Variants in TUBB8B observed in about 807,000 individuals in gnomAD.
The protein encoded by TUBB8B is HSA18p11 beta-tubulin 4Q pseudogene.
Under a neutral mutation model 31.9 loss-of-function variants are expected in TUBB8B, and 26 were observed. The ratio of observed to expected loss-of-function variants is 0.81; its 90% CI spans 0.60 to 1.13. The LOEUF is 1.13. Ranked by LOEUF, TUBB8B falls within the 50% of genes most tolerant of loss-of-function variation. The pLI is 0.00. For missense variants in TUBB8B, 467 were observed against 586.7 expected (o/e 0.80, Z 2.11); for synonymous variants, 173 against 231.0 (o/e 0.75, Z 2.28).
the TUBB8B span, among the ~76,000 whole-genome samples, chr18:57,484 C>T: frequency 6.6e-6 from 1 of 151,846 alleles, no homozygotes; most frequent in African/African-American, 2.4e-5. Flanking sequence ...TTCCAGGGCA[C>T]ACTAATGCCT....
the TUBB8B span, among the ~76,000 whole-genome samples, chr18:72,557 G>T: frequency 6.6e-6 from 1 of 152,118 alleles, no homozygotes; most frequent in African/African-American, 2.4e-5. Context: ...TGTTTTTTGA[G>T]ACAAGGTCTC....
At chr18:55,560 T>C in the TUBB8B span, among the ~76,000 whole-genome samples, 1 of 151,616 alleles carries the variant, frequency 6.6e-6, no homozygotes, top group African/African-American at 2.4e-5. Context: ...GAAGAGCCCC[T>C]TATAAAACCA....
chr18:61,724 C>T, the TUBB8B span, among the ~76,000 whole-genome samples: 6 of 151,414 alleles, frequency 4.0e-5, no homozygotes, highest in African/African-American at 1.4e-4. Context: ...AGCAAAGCAA[C>T]TAATAAAAAC....
upstream of TUBB8B, chr18:49,631 C>T (rs1340387387): frequency 1.5e-5 from 11 of 741,024 alleles, no homozygotes; most frequent in Non-Finnish European, 2.2e-5. Flanking sequence ...AGCCCGCCCT[C>T]CGCTAACGCT....
At chr18:73,486 C>CA in the TUBB8B span, 1 of 155,638 alleles carries the variant, frequency 6.4e-6, no homozygotes, top group East Asian at 1.9e-4. Context: ...GTGGACCCCC[C>CA]AGGACGCCGC....
At chr18:50,164 C>T (rs77895628), upstream of TUBB8B, 19 of 283,412 alleles carry the variant, frequency 6.7e-5, no homozygotes, top group African/African-American at 4.7e-4. Context: ...ACTGCGGTCT[C>T]CACACAGAGT....
chr18:58,760 T>G, the TUBB8B span, among the ~76,000 whole-genome samples: 1 of 151,778 alleles, frequency 6.6e-6, no homozygotes, highest in Non-Finnish European at 1.5e-5. Flanking sequence ...TTGTGCCAAT[T>G]TTCTGTATTA....
chr18:55,631 G>T, the TUBB8B span, among the ~76,000 whole-genome samples: 1 of 151,708 alleles, frequency 6.6e-6, no homozygotes, highest in Non-Finnish European at 1.5e-5. Flanking sequence ...CCAACCCCAT[G>T]ATCCAATCAC....
chr18:67,002 T>G, the TUBB8B span, among the ~76,000 whole-genome samples: 5 of 151,316 alleles, frequency 3.3e-5, no homozygotes, highest in Non-Finnish European at 7.4e-5. Context: ...TTTTGTTTTT[T>G]TTTTTTTTCC....
At position 47,858 on chromosome 18, in the gene TUBB8B, G is replaced by A. The variant is rs55932456; in HGVS notation, c.867C>T (p.Leu289=). Residue 289 remains leucine, a synonymous_variant, in exon 4 of 4, where the codon CTC becomes CTT. Coordinates refer to ENST00000308911, the MANE Select transcript of TUBB8B (RefSeq NM_001358689.2). ...QQYRALTVAE[L]TQQMFDAKNM... is the part of the protein sequence containing the mutation. ...TCTTAGCATCAAACATCTGCTGGGT[G>A]AGCTCAGCCACAGTCAAGGCCCGGT... 236,946 of 1,521,266 alleles carry A rather than the reference G, an allele frequency of 0.16. 6,877 individuals are homozygous for A. The highest frequency in any genetic ancestry group is 0.32 in the African/African-American group (20,108 of 63,330). 94.2% of individuals were successfully genotyped at this position (1,521,266 alleles called of 1,614,324 possible).
At chr18:64,007 C>T in the TUBB8B span, among the ~76,000 whole-genome samples, 48 of 150,766 alleles carry the variant, frequency 3.2e-4, 1 homozygote, top group Non-Finnish European at 6.1e-4. Flanking sequence ...GACCCCTAAC[C>T]ACTGACCCCA....
At chr18:66,220 C>T in the TUBB8B span, among the ~76,000 whole-genome samples, 1 of 152,102 alleles carries the variant, frequency 6.6e-6, no homozygotes, top group Non-Finnish European at 1.5e-5. Context: ...CAGGGCAAAA[C>T]CATGCCTTGA....
the TUBB8B span, among the ~76,000 whole-genome samples, chr18:56,558 C>T: frequency 6.6e-6 from 1 of 151,674 alleles, no homozygotes; most frequent in African/African-American, 2.4e-5. Context: ...AATTCCCACA[C>T]ATTTTGTTTT....
At position 48,108 on chromosome 18, in the gene TUBB8B, G is replaced by A. The variant is rs553305085; in HGVS notation, c.617C>T (p.Ala206Val). The change falls in exon 4 of 4, where the codon GCG becomes GTG. Residue 206 changes from alanine to valine, a missense_variant. By Grantham distance (64) the Ala-to-Val change is moderately conservative. Around this residue, in one of 2 missense-constraint regions of TUBB8B, gnomAD observed 259 missense variants for 380.1 expected, o/e 0.68. Transcript: ENST00000308911. ...ADETFCIDNEALYDICSRTLK... is the reference protein window; with the variant it reads ...ADETFCIDNEVLYDICSRTLK... The stretch of plus-strand genomic sequence containing the variant: ...GGTCCTGGAACATATGTCATATAGC[G>A]CTTCGTTATCTATGCAGAAGGTCTC... The A allele has an allele frequency of 3.9e-4, 635 of 1,613,938 alleles. 2 individuals carry two copies. The highest frequency in any genetic ancestry group is 3.2e-3 in the African/African-American group (243 of 75,026).
At chr18:71,335 G>C in the TUBB8B span, among the ~76,000 whole-genome samples, 5 of 151,828 alleles carry the variant, frequency 3.3e-5, no homozygotes, top group Non-Finnish European at 5.9e-5. Context: ...ATCACTTGAG[G>C]TCAGGAGTTA....
At chr18:72,040 G>C in the TUBB8B span, among the ~76,000 whole-genome samples, 24,072 of 131,212 alleles carry the variant, frequency 0.18, no homozygotes, top group African/African-American at 0.31. Context: ...TTAGCTGGGC[G>C]TTGTGGCAGG....
chr18:70,126 C>T, the TUBB8B span, among the ~76,000 whole-genome samples: 13,779 of 151,948 alleles, frequency 0.091, 847 homozygotes, highest in East Asian at 0.44. Context: ...CGCCACTGCA[C>T]TCCAGCTTGG....
the TUBB8B span, among the ~76,000 whole-genome samples, chr18:58,195 G>A: frequency 6.6e-6 from 1 of 150,492 alleles, no homozygotes; most frequent in Admixed American, 6.6e-5. Flanking sequence ...TCTAACAAGT[G>A]ATTGCTCCAC....
At chr18:71,155 C>T in the TUBB8B span, among the ~76,000 whole-genome samples, 2 of 151,478 alleles carry the variant, frequency 1.3e-5, no homozygotes, top group African/African-American at 2.4e-5. Context: ...TGCTGGAGCC[C>T]GGGAGGTTGA....
Sources: allele counts gnomAD v4.1 joint callset (sites outside exome capture counted in the v4.1 genomes callset), GRCh38; gene constraint gnomAD v4.1.1; regional missense constraint gnomAD v4.1.1; transcripts MANE v1.5; gene names NCBI Gene and HGNC (gene_info 2026-07-23, HGNC 2026-07-21).